The following ACVR2A variants were observed in gnomAD, a reference collection of about 807,000 sequenced individuals.
The protein encoded by ACVR2A is activin receptor type-2A.
ACVR2A carries 7 observed loss-of-function variants against 61.4 expected under a neutral mutation model. That is an observed-to-expected ratio of 0.11 (90% CI 0.06 to 0.21). ACVR2A has a LOEUF of 0.21. Among genes scored for constraint, ACVR2A ranks in the 10% least tolerant of loss-of-function variants. The pLI, the probability that ACVR2A is intolerant of heterozygous loss-of-function variation, is 1.00. For missense variants in ACVR2A, 322 were observed against 621.7 expected (o/e 0.52, Z 5.13); for synonymous variants, 193 against 208.3 (o/e 0.93, Z 0.63).
At chr2:147,913,719 A>G (rs1256781348) in intron 4 of ACVR2A, among the ~76,000 whole-genome samples, 6 of 147,210 alleles carry the variant, frequency 4.1e-5, no homozygotes, top group Non-Finnish European at 1.5e-5. Flanking sequence ...TTGAGAGCCC[A>G]TCCTTCCTAT....
At chr2:147,913,822 CAAAAAAAAAAAAAAAA>C (rs575237522) in intron 4 of ACVR2A, among the ~76,000 whole-genome samples, 2 of 61,782 alleles carry the variant, frequency 3.2e-5, no homozygotes, top group South Asian at 9.0e-4. Flanking sequence ...AACTTGTAGA[CAAAAAAAAAAAAAAAA>C]AAAAAAAAAA....
rs1416223512 is a variant in ACVR2A, at chr2:147,910,233, C to CAG, written c.529-4954_529-4953dup. On this transcript the variant is annotated intron_variant, in intron 4 of 10. Coordinates refer to ENST00000241416, the MANE Select transcript of ACVR2A (RefSeq NM_001616.5). ...TTCATTTCTTGGGAAATGTATTGGG[C>CAG]AGAGACATACTTTTTGGTAAGATGT... 2.0e-5 allele frequency among the ~76,000 whole-genome samples: 3 copies of CAG among 152,046 alleles called. No individual in the cohort carries two copies. The East Asian group carries it at 5.8e-4, about 29-fold the overall frequency.
intron 8 of ACVR2A, 107 bp from the exon 9 acceptor site, chr2:147,922,866 C>A (rs1687417132): frequency 8.5e-7 from 1 of 1,171,616 alleles, no homozygotes; most frequent in African/African-American, 1.5e-5. Flanking sequence ...GTGTGTATAC[C>A]TTACCCTGGT....
chr2:147,898,318 A>G (rs1203412751), intron 2 of ACVR2A: 1 of 152,172 alleles, frequency 6.6e-6, no homozygotes, highest in Non-Finnish European at 1.5e-5. Flanking sequence ...TAAAAGAAGA[A>G]TGAAATTGAA....
chr2:147,854,017 T>C (rs1050647516), intron 1 of ACVR2A, among the ~76,000 whole-genome samples: 1 of 152,150 alleles, frequency 6.6e-6, no homozygotes, highest in African/African-American at 2.4e-5. Flanking sequence ...ATCTTACATA[T>C]TAGTTTTTAA....
chr2:147,867,933 A>G lies in ACVR2A; in HGVS notation c.55+22726A>G, dbSNP rs140967098. 2.5e-3 allele frequency among the ~76,000 whole-genome samples: 379 copies of G among 152,202 alleles called. 2 individuals carry two copies. Among genetic ancestry groups the G allele is most frequent in the Admixed American group, 3.5e-3 (53 of 15,284 alleles). ...CGCTGATTTTGTACTTCCTGCAATT[A>G]CTGTGGGACACCTCTATCTCACCTC... On this transcript the variant is annotated intron_variant, in intron 1 of 10. Coordinates refer to ENST00000241416, the MANE Select transcript of ACVR2A (RefSeq NM_001616.5).
At chr2:147,912,486 C>T (rs1334083913) in intron 4 of ACVR2A, among the ~76,000 whole-genome samples, 1 of 151,884 alleles carries the variant, frequency 6.6e-6, no homozygotes. Context: ...TGTATGACAT[C>T]AGAAATTGCT....
At chr2:147,858,358 C>A (rs1397330803) in intron 1 of ACVR2A, among the ~76,000 whole-genome samples, 1 of 152,116 alleles carries the variant, frequency 6.6e-6, no homozygotes, top group Non-Finnish European at 1.5e-5. Flanking sequence ...CGACATTTAT[C>A]TTTAGGCTGT....
intron 1 of ACVR2A, among the ~76,000 whole-genome samples, chr2:147,883,448 C>T (rs1410677912): frequency 6.6e-6 from 1 of 152,164 alleles, no homozygotes; most frequent in East Asian, 1.9e-4. Flanking sequence ...GCCTTGGCTT[C>T]CCAAAGTGCT....
At chr2:147,888,884 T>G (rs2105180465) in intron 1 of ACVR2A, among the ~76,000 whole-genome samples, 1 of 152,180 alleles carries the variant, frequency 6.6e-6, no homozygotes, top group East Asian at 1.9e-4. Context: ...GACTTGTTTC[T>G]GAGCTCAGCA....
At chr2:147,877,914 A>T (rs2105166189) in intron 1 of ACVR2A, among the ~76,000 whole-genome samples, 1 of 152,192 alleles carries the variant, frequency 6.6e-6, no homozygotes, top group East Asian at 1.9e-4. Context: ...TCCTTGCTTT[A>T]AACTTTACAT....
chr2:147,924,291 A>T (rs944758706), intron 9 of ACVR2A, among the ~76,000 whole-genome samples: 3 of 152,040 alleles, frequency 2.0e-5, no homozygotes, highest in Non-Finnish European at 4.4e-5. Context: ...TGGATTAAGT[A>T]ATTTAGGAGA....
chr2:147,896,008 C>T (rs1322129917), intron 1 of ACVR2A, among the ~76,000 whole-genome samples: 1 of 152,058 alleles, frequency 6.6e-6, no homozygotes, highest in Admixed American at 6.5e-5. Flanking sequence ...TACTCAAGGG[C>T]CAAGGTTTCA....
rs73003434 is a variant in ACVR2A at position 147,910,207 on chromosome 2, G to A, written c.529-4984G>A. On this transcript the variant is annotated intron_variant, in intron 4 of 10. Coordinates refer to ENST00000241416, the MANE Select transcript of ACVR2A (RefSeq NM_001616.5). Reference sequence around the variant, plus strand: ...GGGTTATTTTATAGCTTATCCTAATGTTCATTTCTTGGGAAATGTATTGGG... The same window carrying A: ...GGGTTATTTTATAGCTTATCCTAATATTCATTTCTTGGGAAATGTATTGGG... Among the ~76,000 whole-genome samples the A allele has an allele frequency of 2.6e-3, 394 of 152,116 alleles. 1 individual carries two copies. Among genetic ancestry groups the A allele is most frequent in the African/African-American group, 8.9e-3 (369 of 41,526 alleles).
At chr2:147,916,476 A>G (rs1319971384) in intron 5 of ACVR2A, among the ~76,000 whole-genome samples, 2 of 151,974 alleles carry the variant, frequency 1.3e-5, no homozygotes, top group East Asian at 1.9e-4. Context: ...CCACATGTAC[A>G]TAAAATGCAA....
chr2:147,895,883 T>C (rs1310298376), intron 1 of ACVR2A, among the ~76,000 whole-genome samples: 1 of 152,158 alleles, frequency 6.6e-6, no homozygotes, highest in East Asian at 1.9e-4. Context: ...CACTGATTTT[T>C]GTTTGTGCAA....
chr2:147,924,661 T>TGTGA (rs1421984284), intron 9 of ACVR2A, among the ~76,000 whole-genome samples: 1 of 151,928 alleles, frequency 6.6e-6, no homozygotes, highest in Non-Finnish European at 1.5e-5. Flanking sequence ...GAGAGGATAG[T>TGTGA]GTGAGCATTG....
chr2:147,873,519 G>A (rs1686076958), intron 1 of ACVR2A, among the ~76,000 whole-genome samples: 1 of 151,936 alleles, frequency 6.6e-6, no homozygotes, highest in African/African-American at 2.4e-5. Context: ...GTATTGGACA[G>A]CTAAAGTCTA....
intron 1 of ACVR2A, among the ~76,000 whole-genome samples, chr2:147,874,207 G>A (rs528133861): frequency 2.8e-4 from 42 of 151,960 alleles, no homozygotes; most frequent in African/African-American, 1.0e-3. Flanking sequence ...CTTTAATCCA[G>A]TCTTGACCAC....
Sources: allele counts gnomAD v4.1 joint callset (sites outside exome capture counted in the v4.1 genomes callset), GRCh38; gene constraint gnomAD v4.1.1; transcripts MANE v1.5; gene names NCBI Gene and HGNC (gene_info 2026-07-23, HGNC 2026-07-21).